The following ABHD16A variants were observed in gnomAD, a reference collection of about 807,000 sequenced individuals.
The protein encoded by ABHD16A is phosphatidylserine lipase ABHD16A.
ABHD16A carries 47 observed loss-of-function variants against 89.8 expected under a neutral mutation model. The ratio of observed to expected loss-of-function variants is 0.52; its 90% confidence interval spans 0.41 to 0.67. The LOEUF (loss-of-function observed/expected upper bound fraction) is 0.67. ABHD16A is among the 30% of genes least tolerant of loss of function. ABHD16A has a pLI of 0.00. For missense variants in ABHD16A, 580 were observed against 734.6 expected (o/e 0.79, Z 2.43); for synonymous variants, 251 against 280.4 (o/e 0.90, Z 1.05).
chr6:31,696,502 G>C (rs981419245), intron 5 of ABHD16A, among the ~76,000 whole-genome samples: 2 of 151,826 alleles, frequency 1.3e-5, no homozygotes, highest in Non-Finnish European at 2.9e-5. Flanking sequence ...TGTGGGTGGT[G>C]CGTGCCTGTA....
At chr6:31,697,125 G>A (rs1804475545) in intron 4 of ABHD16A, 92 bp from the exon 5 acceptor site, 1 of 1,165,820 alleles carries the variant, frequency 8.6e-7, no homozygotes, top group Non-Finnish European at 1.3e-6. Context: ...GCTAGAAGAA[G>A]GCCCTGTAAG....
At chr6:31,699,256 A>G (rs1433845762) in intron 4 of ABHD16A, among the ~76,000 whole-genome samples, 3 of 151,794 alleles carry the variant, frequency 2.0e-5, no homozygotes, top group Admixed American at 2.0e-4. Flanking sequence ...AAATACAAAA[A>G]AACCTAGCCG....
chr6:31,689,513 A>G, intron 12 of ABHD16A, 68 bp downstream of exon 12: 1 of 1,456,562 alleles, frequency 6.9e-7, no homozygotes, highest in African/African-American at 1.4e-5. Flanking sequence ...CCATTTCCCC[A>G]CCTCTCCCGG....
Position 31,690,857 on chromosome 6 carries a change from A to G in ABHD16A, c.844-255T>C, listed in dbSNP as rs28366155. On this transcript the variant is annotated intron_variant, in intron 9 of 19. Transcript: ENST00000395952. The surrounding 1 kb of genome is among the most constrained non-coding windows in gnomAD (Gnocchi z 4.1). ...TTTTCCTTGGAAGATTACCAGCTGGATCTCTTTCAGGAAGGGGACTATGGA... is the reference window on the plus strand; with the variant it reads ...TTTTCCTTGGAAGATTACCAGCTGGGTCTCTTTCAGGAAGGGGACTATGGA... Among the ~76,000 whole-genome samples the G allele has an allele frequency of 0.076, 11,632 of 152,190 alleles. 639 individuals carry two copies. The highest frequency in any genetic ancestry group is 0.14 in the African/African-American group (5,745 of 41,494).
At position 31,693,201 on chromosome 6, in the gene ABHD16A, A is replaced by G. The variant is rs1804078998; in HGVS notation, c.504-52T>C. The G allele has an allele frequency of 6.3e-7, 1 of 1,597,688 alleles. No homozygotes were observed. The highest frequency in any genetic ancestry group is 1.3e-5 in the African/African-American group (1 of 74,606). On this transcript the variant is annotated intron_variant, in intron 6 of 19. Transcript: ENST00000395952. This position sits in a 1 kb window ranked among gnomAD's most constrained non-coding sequence, Gnocchi z 5.0. ...GATAGGGTCAGGAGCAGCAAGCTGG[A>G]TGTCTGAGGTCTGGAGAACAGTGGG...
rs769745711 is a variant in ABHD16A, at chr6:31,697,008, C to A, written c.369G>T (p.Gln123His). 7.4e-6 allele frequency: 12 copies of A among 1,612,930 alleles called. No individual in the cohort carries two copies. The South Asian group carries it at 1.2e-4, about 16-fold the overall frequency. Residue 123 changes from glutamine to histidine, a missense_variant, in exon 5 of 20, where the codon CAG becomes CAT. Coordinates refer to ENST00000395952, the MANE Select transcript of ABHD16A (RefSeq NM_021160.3). ...CCAAGATGGTGATGAACTGCCGGTACTGGGGGTTGGTCCAGCGGCCAATGC... is the reference window on the plus strand; with the variant it reads ...CCAAGATGGTGATGAACTGCCGGTAATGGGGGTTGGTCCAGCGGCCAATGC... ...LRGIGRWTNP[Q>H]YRQFITILEA...
Position 31,698,504 on chromosome 6 carries a change from T to TGA in ABHD16A, c.344-1473_344-1472dup, listed in dbSNP as rs1176734260. ...TGTATTTTTTCTTTTTTCTTTTTTT[T>TGA]GAGACAGTTTTGCTCTTGTTGCCCA... On this transcript the variant is annotated intron_variant, in intron 4 of 19. Transcript: ENST00000395952. The surrounding 1 kb of genome is among the most constrained non-coding windows in gnomAD (Gnocchi z 4.1). Among the ~76,000 whole-genome samples the TGA allele has an allele frequency of 3.4e-5, 1 of 29,314 alleles. No individual in the cohort carries two copies. The highest frequency in any genetic ancestry group is 5.7e-5 in the Non-Finnish European group (1 of 17,620). 19.2% of individuals were successfully genotyped at this position (29,314 alleles called of 152,430 possible).
intron 5 of ABHD16A, among the ~76,000 whole-genome samples, chr6:31,695,818 G>A (rs1019792246): frequency 2.6e-5 from 4 of 152,238 alleles, no homozygotes; most frequent in African/African-American, 9.6e-5. Context: ...ATCGTCTGCA[G>A]TCAGGAGTTC....
At position 31,702,111 on chromosome 6, in the gene ABHD16A, C is replaced by A. The variant is rs1562123870; in HGVS notation, c.152G>T (p.Arg51Leu). The part of the protein sequence containing the change: ...SSSWDTYYQP[R>L]ALEKHADSIL... ...GCTGTCAGCATGTTTCTCCAGGGCA[C>A]GGGGCTGATAGTACGTATCCTGCCA... The change falls in exon 2 of 20, where the codon CGT becomes CTT. Residue 51 changes from arginine to leucine, a missense_variant. Physicochemically the swap from Arg to Leu is moderately radical, Grantham distance 102. Transcript: ENST00000395952. 6 of 1,613,066 alleles carry A rather than the reference C, an allele frequency of 3.7e-6. No homozygotes were observed. Among genetic ancestry groups the A allele is most frequent in the Non-Finnish European group, 5.1e-6 (6 of 1,180,034 alleles).
At chr6:31,692,348 T>C (rs1226946040) in intron 7 of ABHD16A, 1 of 163,450 alleles carries the variant, frequency 6.1e-6, no homozygotes, top group Admixed American at 5.8e-5. Flanking sequence ...CCTGACTAAT[T>C]AGCACACTGT....
At chr6:31,691,298 A>G in intron 9 of ABHD16A, 1 of 387,736 alleles carries the variant, frequency 2.6e-6, no homozygotes, top group Middle Eastern at 7.2e-4. Flanking sequence ...AATTAAATAT[A>G]TATGCTTCAT....
intron 12 of ABHD16A, 104 bp from the exon 13 acceptor site, chr6:31,689,223 C>A: frequency 9.8e-7 from 1 of 1,022,940 alleles, no homozygotes. Context: ...CCCATTCCCC[C>A]TATGTTATCC....
chr6:31,703,223 C>T lies in ABHD16A; in HGVS notation c.59G>A (p.Arg20Lys). 6.9e-7 allele frequency: 1 copy of T among 1,441,140 alleles called. No individual in the cohort carries two copies. The highest frequency in any genetic ancestry group is 9.2e-7 in the Non-Finnish European group (1 of 1,087,032). The allele number at this position is 1,441,140 out of a possible 1,614,324, so 89.3% of individuals were successfully genotyped here. A position where few individuals can be genotyped will look rare whatever the true frequency, so the allele number is the denominator to read the frequency against. Reference sequence around the variant, plus strand: ...GCTGGCCGGGGCCCTTTCAGAGTCCCTCTCCCGGTAGATTTTGTAGAGCCG... The same window carrying T: ...GCTGGCCGGGGCCCTTTCAGAGTCCTTCTCCCGGTAGATTTTGTAGAGCCG... ...GPRLYKIYRERDSERAPASVP... is the reference protein window; with the variant it reads ...GPRLYKIYREKDSERAPASVP... The change falls in exon 1 of 20, where the codon AGG (arginine) becomes AAG (lysine). Residue 20 changes from arginine (R) to lysine (K), a missense_variant. By Grantham distance (26) the Arg-to-Lys change is conservative. Transcript: ENST00000395952.
intron 2 of ABHD16A, 86 bp downstream of exon 2, chr6:31,701,988 T>C (rs1475193773): frequency 2.0e-6 from 3 of 1,499,874 alleles, no homozygotes; most frequent in Non-Finnish European, 2.8e-6. Context: ...CCCAGGGCAC[T>C]GTTGCTCCCA....
Position 31,693,171 on chromosome 6 carries a change from G to A in ABHD16A, c.504-22C>T. On this transcript the variant is annotated intron_variant, in intron 6 of 19. Transcript: ENST00000395952. The surrounding 1 kb of genome is among the most constrained non-coding windows in gnomAD (Gnocchi z 5.0). ...CTTCCTGAGGAAGGGAAAGATGCAG[G>A]GAAGGATAGGGTCAGGAGCAGCAAG... is the stretch of plus-strand genomic sequence containing the variant. 1.2e-6 allele frequency: 2 copies of A among 1,609,008 alleles called. No individual in the cohort carries two copies. The highest frequency in any genetic ancestry group is 8.5e-7 in the Non-Finnish European group (1 of 1,177,402).
rs751058351 is a variant in ABHD16A at position 31,690,553 on chromosome 6, G to C, written c.893C>G (p.Ser298Cys). The C allele has an allele frequency of 1.2e-6, 2 of 1,613,006 alleles. No individual in the cohort carries two copies. Among genetic ancestry groups the C allele is most frequent in the Non-Finnish European group, 1.7e-6 (2 of 1,180,006 alleles). Residue 298 changes from serine (S) to cysteine (C), a missense_variant, in exon 10 of 20, where the codon TCC (serine) becomes TGC (cysteine). Around this residue, in one of 2 missense-constraint regions of ABHD16A, gnomAD observed 415 missense variants for 568.8 expected, o/e 0.73. Transcript: ENST00000395952. The surrounding 1 kb of genome is among the most constrained non-coding windows in gnomAD (Gnocchi z 4.1). ...CACCGTCCTACCTTCCAGGGGCGTGGAGACGCAGCCCACCTCATAAAACCC... is the reference window on the plus strand; with the variant it reads ...CACCGTCCTACCTTCCAGGGGCGTGCAGACGCAGCCCACCTCATAAAACCC... The part of the protein sequence containing the change: ...NAGFYEVGCV[S>C]TPLEAGYSVL...
In ABHD16A at chr6:31,689,605, C is replaced by T. The variant is rs142430839; in HGVS notation, c.1057G>A (p.Ala353Thr). 3 of 1,607,950 alleles carry T rather than the reference C, an allele frequency of 1.9e-6. No homozygotes were observed. The highest frequency in any genetic ancestry group is 2.2e-5 in the East Asian group (1 of 44,644). ...GFQPQDIIIYAWSIGGFTATW... is the reference protein window; with the variant it reads ...GFQPQDIIIYTWSIGGFTATW... Reference sequence around the variant, plus strand: ...CCAGTGAAGCCGCCGATGGACCAGGCGTAGATGATGATGTCCTGGGGCTGG... The same window carrying T: ...CCAGTGAAGCCGCCGATGGACCAGGTGTAGATGATGATGTCCTGGGGCTGG... Residue 353 changes from alanine to threonine, a missense_variant, in exon 12 of 20, where the codon GCC becomes ACC. By Grantham distance (58) the Ala-to-Thr change is moderately conservative. Transcript: ENST00000395952.
At chr6:31,692,520 G>A (rs1278849768) in intron 7 of ABHD16A, among the ~76,000 whole-genome samples, 1 of 152,112 alleles carries the variant, frequency 6.6e-6, no homozygotes, top group Non-Finnish European at 1.5e-5. Flanking sequence ...CTTTATTTGG[G>A]ATTTACCATG....
chr6:31,689,979 C>G (rs1803712501), intron 11 of ABHD16A, 99 bp downstream of exon 11: 1 of 1,360,654 alleles, frequency 7.3e-7, no homozygotes, highest in Non-Finnish European at 9.9e-7. Flanking sequence ...GAGTGGGACG[C>G]CTTCAAGAAA....
Sources: allele counts gnomAD v4.1 joint callset (sites outside exome capture counted in the v4.1 genomes callset), GRCh38; gene constraint gnomAD v4.1.1; regional missense constraint gnomAD v4.1.1; non-coding constraint Gnocchi (gnomAD v3.1); transcripts MANE v1.5; gene names NCBI Gene and HGNC (gene_info 2026-07-23, HGNC 2026-07-21).